Variants in KIF13B observed in about 807,000 individuals in gnomAD.
The protein encoded by KIF13B is kinesin family member 13B.
KIF13B carries 127 observed loss-of-function variants against 222.0 expected under a neutral mutation model. The ratio of observed to expected loss-of-function variants is 0.57; its 90% CI spans 0.50 to 0.66. The LOEUF is 0.66. KIF13B is among the 30% of genes least tolerant of loss of function. KIF13B has a pLI of 0.00. For missense variants in KIF13B, 2,173 were observed against 2,379.0 expected (o/e 0.91, Z 1.80); for synonymous variants, 976 against 919.0 (o/e 1.06, Z -1.12).
At position 29,148,602 on chromosome 8, in the gene KIF13B, G is replaced by A. The variant is rs765574695; in HGVS notation, c.1788C>T (p.Val596=). 1 of 1,609,462 alleles carries A rather than the reference G, an allele frequency of 6.2e-7. No homozygotes were observed. The change falls in exon 16 of 40, where the codon GTC becomes GTT. Residue 596 remains valine, a synonymous_variant. Coordinates refer to ENST00000524189, the MANE Select transcript of KIF13B (RefSeq NM_015254.4). The part of the protein sequence containing the change: ...NFNYEYAQME[V]TMKALGSNDP... ...CATTGCTGCCCAGGGCCTTCATGGT[G>A]ACCTCCATCTGTGCGTATTCGTAAT...
rs773965207 is a variant in KIF13B at position 29,067,518 on chromosome 8, CAT to C, written c.*2984_*2985del. ...CTCTTCGCATTTACACGAATCCACACATAGAGAAGCTGTTCCAAGACCCCCCA... is the reference window on the plus strand; with the variant it reads ...CTCTTCGCATTTACACGAATCCACACAGAGAAGCTGTTCCAAGACCCCCCA... On this transcript the variant is annotated 3_prime_UTR_variant, in exon 40 of 40. Coordinates refer to ENST00000524189, the MANE Select transcript of KIF13B (RefSeq NM_015254.4). 25 of 152,448 alleles carry C rather than the reference CAT, an allele frequency of 1.6e-4. No homozygotes were observed. Among genetic ancestry groups the C allele is most frequent in the African/African-American group, 4.6e-4 (19 of 41,560 alleles). 9.4% of individuals were successfully genotyped at this position (152,448 alleles called of 1,614,324 possible). A position where few individuals can be genotyped will look rare whatever the true frequency, so the allele number is the denominator to read the frequency against.
At chr8:29,165,591 A>G (rs1811956967) in intron 12 of KIF13B, 71 bp downstream of exon 12, 2 of 927,084 alleles carry the variant, frequency 2.2e-6, no homozygotes, top group Admixed American at 2.1e-5. Context: ...AAAAGGAACC[A>G]GAAACACCAT....
At chr8:29,181,873 C>T (rs751427923) in intron 7 of KIF13B, 46 bp downstream of exon 7, 2 of 1,342,772 alleles carry the variant, frequency 1.5e-6, no homozygotes, top group Non-Finnish European at 2.1e-6. Flanking sequence ...AAGAGCCCCA[C>T]CCTACTACAC....
intron 12 of KIF13B, among the ~76,000 whole-genome samples, chr8:29,162,503 C>T (rs571682429): frequency 6.2e-4 from 95 of 152,312 alleles, no homozygotes; most frequent in Middle Eastern, 3.4e-3. Flanking sequence ...CACTCAATTC[C>T]AAGAAGTGAT....
chr8:29,195,640 G>A (rs548950999), intron 3 of KIF13B, among the ~76,000 whole-genome samples: 2 of 152,302 alleles, frequency 1.3e-5, no homozygotes, highest in Admixed American at 6.5e-5. Flanking sequence ...CCCACTTCAA[G>A]CAGGGCTCCA....
chr8:29,175,943 A>C, intron 10 of KIF13B, 125 bp downstream of exon 10: 1 of 670,714 alleles, frequency 1.5e-6, no homozygotes, highest in Non-Finnish European at 2.6e-6. Flanking sequence ...ATAAGAGCCT[A>C]ATAATTATAC....
chr8:29,109,504 G>T lies in KIF13B; in HGVS notation c.4091C>A (p.Ala1364Glu). 1.2e-6 allele frequency: 2 copies of T among 1,613,214 alleles called. No homozygotes were observed. Among genetic ancestry groups the T allele is most frequent in the Non-Finnish European group, 1.7e-6 (2 of 1,179,222 alleles). ...LTLDRLRQEV[A>E]VKEQLTGKGK... is the part of the protein sequence containing the mutation. ...TTTTCCTGTTAACTGTTCCTTCACT[G>T]CAACTTCCTGTGAATCAGAAAACAT... The change falls in exon 34 of 40, where the codon GCA becomes GAA. Residue 1364 changes from alanine (A) to glutamate (E), a missense_variant. Transcript: ENST00000524189.
At chr8:29,218,772 G>A (rs568885037) in intron 2 of KIF13B, 4 of 152,332 alleles carry the variant, frequency 2.6e-5, no homozygotes, top group Non-Finnish European at 5.9e-5. Context: ...TGGGATTTAG[G>A]GAAAGATAAT....
At chr8:29,193,646 C>A (rs956330845) in intron 3 of KIF13B, among the ~76,000 whole-genome samples, 9 of 152,188 alleles carry the variant, frequency 5.9e-5, no homozygotes, top group Non-Finnish European at 1.0e-4. Flanking sequence ...CTTCCAGGAC[C>A]TCCCATGAAT....
At chr8:29,233,361 T>C (rs1347627570) in intron 2 of KIF13B, among the ~76,000 whole-genome samples, 3 of 152,218 alleles carry the variant, frequency 2.0e-5, no homozygotes, top group Non-Finnish European at 2.9e-5. Context: ...GCTGAACTTA[T>C]AGAACTACTT....
intron 19 of KIF13B, among the ~76,000 whole-genome samples, 173 bp downstream of exon 19, chr8:29,141,984 A>T (rs1810837516): frequency 1.3e-5 from 2 of 152,214 alleles, no homozygotes; most frequent in African/African-American, 4.8e-5. Flanking sequence ...AGAAAGAGAG[A>T]TTATTAAAAT....
chr8:29,119,297 A>G (rs1425666316), intron 29 of KIF13B, among the ~76,000 whole-genome samples: 1 of 152,236 alleles, frequency 6.6e-6, no homozygotes, highest in African/African-American at 2.4e-5. Context: ...TGACCGGGTT[A>G]TAACACAAAT....
In KIF13B at chr8:29,136,798, T is replaced by A. The variant is rs897423729; in HGVS notation, c.2614-2588A>T. ...AAATGAAAGAGACCTGTAACAGGTT[T>A]TTTTTTTTTTTTTTTTTTTGAGATG... On this transcript the variant is annotated intron_variant, in intron 21 of 39. Transcript: ENST00000524189. 9.7e-3 allele frequency among the ~76,000 whole-genome samples: 1,379 copies of A among 141,788 alleles called. 14 individuals are homozygous for A. Among genetic ancestry groups the A allele is most frequent in the African/African-American group, 0.02 (764 of 37,832 alleles). The allele number at this position is 141,788 out of a possible 152,430, so 93.0% of individuals were successfully genotyped here. A position where few individuals can be genotyped will look rare whatever the true frequency, so the allele number is the denominator to read the frequency against.
intron 2 of KIF13B, among the ~76,000 whole-genome samples, chr8:29,203,978 TAGG>T (rs965335211): frequency 9.5e-5 from 14 of 148,038 alleles, no homozygotes; most frequent in Admixed American, 2.7e-4. Flanking sequence ...CCCCAGAAGG[TAGG>T]AGGAGACCTA....
intron 2 of KIF13B, among the ~76,000 whole-genome samples, chr8:29,231,696 A>G (rs1171043349): frequency 1.3e-5 from 2 of 152,214 alleles, no homozygotes; most frequent in Non-Finnish European, 2.9e-5. Context: ...TTCTTATGAC[A>G]GTTTGCATTT....
At chr8:29,184,734 G>C (rs1812858554) in intron 6 of KIF13B, among the ~76,000 whole-genome samples, 1 of 152,180 alleles carries the variant, frequency 6.6e-6, no homozygotes, top group Admixed American at 6.5e-5. Flanking sequence ...AAGCACTCTG[G>C]ATTAAGCAGA....
At chr8:29,250,044 A>G (rs1264743680) in intron 1 of KIF13B, 1 of 1,289,076 alleles carries the variant, frequency 7.8e-7, no homozygotes, top group Admixed American at 2.3e-5. Flanking sequence ...TGCTTAATGG[A>G]ATCTGACCAT....
chr8:29,114,329 C>G (rs1809497388), intron 31 of KIF13B, among the ~76,000 whole-genome samples: 1 of 152,156 alleles, frequency 6.6e-6, no homozygotes, highest in South Asian at 2.1e-4. Context: ...ATTTCACAAA[C>G]CTACCTAATG....
rs1048830108 is a variant in KIF13B, at chr8:29,092,868, G to C, written c.4335C>G (p.Asn1445Lys). The C allele has an allele frequency of 6.2e-7, 1 of 1,610,118 alleles. No individual in the cohort carries two copies. Among genetic ancestry groups the C allele is most frequent in the Admixed American group, 1.7e-5 (1 of 59,478 alleles). ...NNHSPDPGLS[N>K]LAASYLNPVK... The stretch of plus-strand genomic sequence containing the variant: ...CAGGATTCAAGTAGGATGCTGCAAG[G>C]TTACTGAGTCCTGCCCATATTACAG... The change falls in exon 37 of 40, where the codon AAC (asparagine) becomes AAG (lysine). Residue 1445 changes from asparagine (N) to lysine (K), a missense_variant. Coordinates refer to ENST00000524189, the MANE Select transcript of KIF13B (RefSeq NM_015254.4).
Sources: gnomAD v4.1 joint callset for allele counts (sites outside exome capture counted in the v4.1 genomes callset) on GRCh38, gnomAD v4.1.1 for gene constraint, MANE v1.5 for transcripts, NCBI Gene and HGNC (gene_info 2026-07-23, HGNC 2026-07-21) for gene names.